NLGN4X: variants seen among roughly 807,000 people sequenced by gnomAD.
NLGN4X encodes the protein neuroligin-4, X-linked.
A neutral mutation model predicts 40.3 loss-of-function variants in NLGN4X; 3 were observed. The ratio of observed to expected loss-of-function variants is 0.07; its 90% confidence interval spans 0.03 to 0.19. The LOEUF (loss-of-function observed/expected upper bound fraction) is 0.19, where lower values mean the gene tolerates loss of function less well. Among genes scored for constraint, NLGN4X ranks in the 10% least tolerant of loss-of-function variants. NLGN4X has a pLI of 1.00. For synonymous variants in NLGN4X, 270 were observed against 306.8 expected (o/e 0.88, Z 1.25); for missense variants, 382 against 708.3 (o/e 0.54, Z 5.23).
Position 5,890,853 on chromosome X carries a change from GTCACTC to G in NLGN4X, c.*1958_*1963del. 3.1e-6 allele frequency: 1 copy of G among 318,030 alleles called. No individual in the cohort carries two copies. Among genetic ancestry groups the G allele is most frequent in the Non-Finnish European group, 6.0e-6 (1 of 166,741 alleles). The allele number at this position is 318,030 out of a possible 1,213,427, so 26.2% of individuals were successfully genotyped here. ...AAAAACACTTTTCTTTTTTCTAGAG[GTCACTC>G]TCAAACACTGATATATCACTATAGT... On this transcript the variant is annotated 3_prime_UTR_variant, in exon 6 of 6. Coordinates refer to ENST00000381095, the MANE Select transcript of NLGN4X (RefSeq NM_181332.3).
intron 3 of NLGN4X, among the ~76,000 whole-genome samples, chrX:5,992,018 G>A (rs1397874377): frequency 2.7e-5 from 3 of 112,080 alleles, no homozygotes; most frequent in African/African-American, 9.7e-5. Context: ...TTAGTTTCAT[G>A]CTAAAAGTTT....
intron 2 of NLGN4X, among the ~76,000 whole-genome samples, chrX:6,094,999 A>G (rs193152421): frequency 6.1e-4 from 67 of 110,072 alleles, no homozygotes; most frequent in African/African-American, 2.1e-3. Flanking sequence ...TAATTTTATC[A>G]AATTTGCACA....
At chrX:5,980,775 A>G (rs2035363133) in intron 3 of NLGN4X, among the ~76,000 whole-genome samples, 3 of 110,941 alleles carry the variant, frequency 2.7e-5, no homozygotes, top group Admixed American at 9.7e-5. Context: ...TTATGTCAAT[A>G]ATACGCTGTT....
chrX:6,071,212 G>A (rs1040525154), intron 2 of NLGN4X, among the ~76,000 whole-genome samples: 2 of 111,352 alleles, frequency 1.8e-5, no homozygotes, highest in Non-Finnish European at 3.8e-5. Context: ...TGTGTATTGC[G>A]GCTCATATGA....
chrX:6,057,824 G>A (rs750193945), intron 2 of NLGN4X, among the ~76,000 whole-genome samples: 1 of 111,611 alleles, frequency 9.0e-6, no homozygotes, highest in Non-Finnish European at 1.9e-5. Context: ...TCCCAAATTA[G>A]TGAAATAATG....
intron 1 of NLGN4X, among the ~76,000 whole-genome samples, chrX:6,213,034 A>G (rs985904711): frequency 1.6e-4 from 17 of 103,920 alleles, no homozygotes; most frequent in African/African-American, 6.1e-4. Flanking sequence ...CTCTTCTCCC[A>G]CCCCCACCCC....
At chrX:6,030,587 G>A (rs1322097245) in intron 2 of NLGN4X, among the ~76,000 whole-genome samples, 1 of 110,171 alleles carries the variant, frequency 9.1e-6, no homozygotes, top group African/African-American at 3.3e-5. Flanking sequence ...TTTGGATGGT[G>A]GCTCCAATTT....
intron 2 of NLGN4X, among the ~76,000 whole-genome samples, chrX:6,067,442 A>C (rs2037949832): frequency 9.2e-6 from 1 of 109,143 alleles, no homozygotes; most frequent in Non-Finnish European, 1.9e-5. Flanking sequence ...CCAACAGATC[A>C]CACACACACA....
Position 6,225,007 on chromosome X carries a change from TATATACAC to T in NLGN4X, c.-306+3526_-306+3533del, listed in dbSNP as rs1406495592. Among the ~76,000 whole-genome samples, 238 of 51,527 alleles carry T rather than the reference TATATACAC, an allele frequency of 4.6e-3. 2 individuals carry two copies. Among genetic ancestry groups the T allele is most frequent in the African/African-American group, 0.011 (161 of 14,691 alleles). The allele number at this position is 51,527 out of a possible 115,157, so 44.7% of individuals were successfully genotyped here. ...ATATATATATATATATATATATATA[TATATACAC>T]ACACACACACATATATGTAGAAATG... On this transcript the variant is annotated intron_variant, in intron 1 of 5. Transcript: ENST00000381095.
At chrX:5,937,414 A>T (rs1330124410) in intron 3 of NLGN4X, among the ~76,000 whole-genome samples, 1 of 111,189 alleles carries the variant, frequency 9.0e-6, no homozygotes, top group Non-Finnish European at 1.9e-5. Flanking sequence ...TGGAAAACAC[A>T]TCATCTATAA....
At position 5,891,762 on chromosome X, in the gene NLGN4X, G is replaced by A. The variant is rs2031185559; in HGVS notation, c.*1055C>T. 6.0e-6 allele frequency: 1 copy of A among 167,615 alleles called. No homozygotes were observed. The allele number at this position is 167,615 out of a possible 1,213,427, so 13.8% of individuals were successfully genotyped here. ...AAGCTGTAAATACACTCCACTTTGG[G>A]GACCCATCTCTGTACTGCAATTTCA... On this transcript the variant is annotated 3_prime_UTR_variant, in exon 6 of 6. Transcript: ENST00000381095.
At chrX:6,144,711 C>T (rs1261328564) in intron 2 of NLGN4X, among the ~76,000 whole-genome samples, 6 of 111,703 alleles carry the variant, frequency 5.4e-5, no homozygotes, top group Non-Finnish European at 9.4e-5. Flanking sequence ...CTTCTGCATC[C>T]ACAGTGGAGG....
chrX:6,000,257 T>C (rs962016044), intron 3 of NLGN4X, among the ~76,000 whole-genome samples: 7 of 112,309 alleles, frequency 6.2e-5, no homozygotes, highest in Non-Finnish European at 9.4e-5. Flanking sequence ...CCACTGAAGA[T>C]TGTGTTGACC....
intron 3 of NLGN4X, among the ~76,000 whole-genome samples, chrX:6,017,102 G>A (rs183905470): frequency 1.2e-3 from 131 of 111,735 alleles, no homozygotes; most frequent in Non-Finnish European, 2.1e-3. Flanking sequence ...CACGCTGGAT[G>A]TAAGTTGTTT....
At position 6,225,681 on chromosome X, in the gene NLGN4X, C is replaced by CTTTTT. The variant is rs1569309354; in HGVS notation, c.-306+2855_-306+2859dup. ...CTTTTTCTTTTCCTTTTTTTTCTTT[C>CTTTTT]TTTTTTTCTTTTTTTTTTTTTTTTT... On this transcript the variant is annotated intron_variant, in intron 1 of 5. Coordinates refer to ENST00000381095, the MANE Select transcript of NLGN4X (RefSeq NM_181332.3). Among the ~76,000 whole-genome samples the CTTTTT allele has an allele frequency of 1.2e-3, 39 of 33,768 alleles. 1 individual carries two copies. The highest frequency in any genetic ancestry group is 2.7e-3 in the South Asian group (1 of 371). 29.3% of individuals were successfully genotyped at this position (33,768 alleles called of 115,157 possible). A position where few individuals can be genotyped will look rare whatever the true frequency, so the allele number is the denominator to read the frequency against.
In NLGN4X at chrX:5,890,042, T is replaced by A. The variant is rs1263515869; in HGVS notation, c.*2775A>T. 2 of 204,191 alleles carry A rather than the reference T, an allele frequency of 9.8e-6. No homozygotes were observed. The highest frequency in any genetic ancestry group is 1.8e-5 in the Non-Finnish European group (2 of 112,490). The allele number at this position is 204,191 out of a possible 1,213,427, so 16.8% of individuals were successfully genotyped here. On this transcript the variant is annotated 3_prime_UTR_variant, in exon 6 of 6. Coordinates refer to ENST00000381095, the MANE Select transcript of NLGN4X (RefSeq NM_181332.3). ...GACGCATAATTATTTGCACAAAGCA[T>A]TAGAAAATACTGTGATATTTTATTA...
At chrX:6,104,349 C>T (rs189124692) in intron 2 of NLGN4X, among the ~76,000 whole-genome samples, 1 of 111,905 alleles carries the variant, frequency 8.9e-6, no homozygotes, top group Non-Finnish European at 1.9e-5. Context: ...GGGCTTTAGA[C>T]GATATTATTT....
At chrX:6,046,756 T>C (rs1329634925) in intron 2 of NLGN4X, among the ~76,000 whole-genome samples, 2 of 109,585 alleles carry the variant, frequency 1.8e-5, no homozygotes, top group African/African-American at 3.3e-5. Context: ...TATATGCACA[T>C]ACACTTTTAT....
At chrX:6,107,356 C>T (rs1415756285) in intron 2 of NLGN4X, among the ~76,000 whole-genome samples, 1 of 111,013 alleles carries the variant, frequency 9.0e-6, no homozygotes, top group Non-Finnish European at 1.9e-5. Context: ...ACCTACTTAG[C>T]ACTCCCCAAG....
Sources: gnomAD v4.1 joint callset for allele counts (sites outside exome capture counted in the v4.1 genomes callset) on GRCh38, gnomAD v4.1.1 for gene constraint, MANE v1.5 for transcripts, NCBI Gene and HGNC (gene_info 2026-07-23, HGNC 2026-07-21) for gene names.